The following KSR2 variants were observed in gnomAD, a reference collection of about 807,000 sequenced individuals.
KSR2 encodes the protein kinase suppressor of ras 2.
A neutral mutation model predicts 107.8 loss-of-function variants in KSR2; 25 were observed. The ratio of observed to expected loss-of-function variants is 0.23; its 90% CI spans 0.17 to 0.32. KSR2 has a LOEUF of 0.32. Ranked by LOEUF, KSR2 falls within the 10% of genes least tolerant of loss-of-function variation. The pLI, the probability that KSR2 is intolerant of heterozygous loss-of-function variation, is 1.00. For missense variants in KSR2, 887 were observed against 1,268.9 expected (o/e 0.70, Z 4.57); for synonymous variants, 480 against 507.0 (o/e 0.95, Z 0.71).
chr12:117,660,377 C>G (rs1884381914), intron 5 of KSR2, among the ~76,000 whole-genome samples: 1 of 152,194 alleles, frequency 6.6e-6, no homozygotes, highest in Non-Finnish European at 1.5e-5. Flanking sequence ...AGAGCATGTC[C>G]TCATGAGTCT....
chr12:117,696,821 T>C lies in KSR2; in HGVS notation c.987-29163A>G, dbSNP rs574251910. Among the ~76,000 whole-genome samples, 3 of 152,302 alleles carry C rather than the reference T, an allele frequency of 2.0e-5. No homozygotes were observed. The South Asian group carries it at 6.2e-4, about 32-fold the overall frequency. The stretch of plus-strand genomic sequence containing the variant: ...AGAAACTGTTTCTAGGAAGTCACCT[T>C]GGAGAGCCTCAGCCTCTGCACCTAT... On this transcript the variant is annotated intron_variant, in intron 4 of 19. Coordinates refer to ENST00000339824, the MANE Select transcript of KSR2 (RefSeq NM_173598.6).
intron 4 of KSR2, among the ~76,000 whole-genome samples, chr12:117,731,424 A>G (rs1040217094): frequency 8.1e-6 from 1 of 124,216 alleles, no homozygotes; most frequent in Non-Finnish European, 1.7e-5. Context: ...GGTGGGGGGC[A>G]GCCCCCGCCC....
intron 5 of KSR2, among the ~76,000 whole-genome samples, chr12:117,611,819 T>C (rs1189882329): frequency 6.6e-6 from 1 of 152,184 alleles, no homozygotes; most frequent in African/African-American, 2.4e-5. Context: ...TGCTACAACA[T>C]GGATGAGACT....
Position 117,686,215 on chromosome 12 carries a change from A to ATTTTTTTTTTTTTTTT in KSR2, c.987-18573_987-18558dup, listed in dbSNP as rs55772468. Among the ~76,000 whole-genome samples, 8 of 78,038 alleles carry ATTTTTTTTTTTTTTTT rather than the reference A, an allele frequency of 1.0e-4. 2 individuals carry two copies. Among genetic ancestry groups the ATTTTTTTTTTTTTTTT allele is most frequent in the African/African-American group, 4.1e-4 (6 of 14,702 alleles). The allele number at this position is 78,038 out of a possible 152,430, so 51.2% of individuals were successfully genotyped here. A position where few individuals can be genotyped will look rare whatever the true frequency, so the allele number is the denominator to read the frequency against. ...AGGCACACACCACCACACCCAGCTAATTTTTTTTTTTTTTTTTTTTTTTTT... is the reference window on the plus strand; with the variant it reads ...AGGCACACACCACCACACCCAGCTAATTTTTTTTTTTTTTTTTTTTTTTTTTTTTTTTTTTTTTTTT... On this transcript the variant is annotated intron_variant, in intron 4 of 19. Transcript: ENST00000339824.
rs1002661137 is a variant in KSR2, at chr12:117,467,113, T to C, written c.*86A>G. ...TTGGTACCCTCTGATGCTGAGTCTC[T>C]GGCCTCCTGAGCTGGCAGAGGACAG... is the stretch of plus-strand genomic sequence containing the variant. On this transcript the variant is annotated 3_prime_UTR_variant, in exon 20 of 20. Transcript: ENST00000339824. 6.4e-5 allele frequency: 37 copies of C among 579,488 alleles called. No homozygotes were observed. The Admixed American group carries it at 8.4e-4, about 13-fold the overall frequency. 35.9% of individuals were successfully genotyped at this position (579,488 alleles called of 1,614,324 possible). A position where few individuals can be genotyped will look rare whatever the true frequency, so the allele number is the denominator to read the frequency against.
At chr12:117,731,501 G>C (rs567265386) in intron 4 of KSR2, among the ~76,000 whole-genome samples, 30 of 150,148 alleles carry the variant, frequency 2.0e-4, no homozygotes, top group African/African-American at 2.9e-4. Context: ...AAGTGAGGAG[G>C]CCCTCTGTCC....
intron 11 of KSR2, 100 bp downstream of exon 11, chr12:117,531,566 T>C (rs759578496): frequency 9.7e-5 from 97 of 1,002,366 alleles, no homozygotes; most frequent in Non-Finnish European, 1.4e-4. Flanking sequence ...TCTTTGATCT[T>C]AGGCACCCCC....
chr12:117,965,749 T>C (rs901109786), intron 1 of KSR2, among the ~76,000 whole-genome samples: 1 of 152,238 alleles, frequency 6.6e-6, no homozygotes, highest in Non-Finnish European at 1.5e-5. Context: ...AAACGCAGAT[T>C]CCTTGACCCT....
At chr12:117,829,435 T>C (rs1218449010) in intron 3 of KSR2, among the ~76,000 whole-genome samples, 4 of 152,240 alleles carry the variant, frequency 2.6e-5, no homozygotes, top group Non-Finnish European at 4.4e-5. Flanking sequence ...CTGTATCTTA[T>C]TGCATCATGA....
At chr12:117,670,064 C>T (rs1370329386) in intron 4 of KSR2, among the ~76,000 whole-genome samples, 1 of 151,968 alleles carries the variant, frequency 6.6e-6, no homozygotes, top group East Asian at 1.9e-4. Context: ...TCCAACAGGC[C>T]CTCTCATACT....
chr12:117,843,877 C>T (rs1307149061), intron 3 of KSR2, among the ~76,000 whole-genome samples: 1 of 151,978 alleles, frequency 6.6e-6, no homozygotes, highest in Admixed American at 6.6e-5. Context: ...CCGCAGGCTG[C>T]CTTACCTATG....
In KSR2 at chr12:117,454,445, G is replaced by A. The variant is rs1185428874; in HGVS notation, c.*12754C>T. The A allele has an allele frequency of 3.9e-5, 6 of 152,204 alleles. No individual in the cohort carries two copies. Among genetic ancestry groups the A allele is most frequent in the Non-Finnish European group, 8.8e-5 (6 of 68,042 alleles). 9.4% of individuals were successfully genotyped at this position (152,204 alleles called of 1,614,324 possible). ...TGGGAGTCTGGCGGTCAGCAAAGAT[G>A]CTTTGTTTTCTGTCTTTCAAACCCT... On this transcript the variant is annotated 3_prime_UTR_variant, in exon 20 of 20. Transcript: ENST00000339824.
At chr12:117,732,073 A>C (rs1475576442) in intron 4 of KSR2, among the ~76,000 whole-genome samples, 1 of 151,658 alleles carries the variant, frequency 6.6e-6, no homozygotes, top group Non-Finnish European at 1.5e-5. Flanking sequence ...AGCTGGTGTC[A>C]AGCTCAGATC....
At chr12:117,800,285 A>G (rs1440420043) in intron 3 of KSR2, among the ~76,000 whole-genome samples, 1 of 152,004 alleles carries the variant, frequency 6.6e-6, no homozygotes, top group Non-Finnish European at 1.5e-5. Context: ...TGAGCCCACT[A>G]TACATGTTGG....
At chr12:117,471,362 C>T (rs760153413) in intron 17 of KSR2, 42 bp from the exon 18 acceptor site, 3 of 1,594,992 alleles carry the variant, frequency 1.9e-6, no homozygotes, top group Non-Finnish European at 2.6e-6. Context: ...TGTGGTGTGT[C>T]ACTTGCAACC....
intron 3 of KSR2, among the ~76,000 whole-genome samples, chr12:117,802,946 G>A (rs1174218632): frequency 3.9e-5 from 6 of 152,266 alleles, no homozygotes; most frequent in East Asian, 1.9e-4. Context: ...ACTGTGCCTC[G>A]GTGCCATTTG....
rs774131856 is a variant in KSR2 at position 117,667,496 on chromosome 12, G to A, written c.1149C>T (p.His383=). 1.9e-6 allele frequency: 3 copies of A among 1,611,700 alleles called. No individual in the cohort carries two copies. Among genetic ancestry groups the A allele is most frequent in the Admixed American group, 3.3e-5 (2 of 59,798 alleles). Reference sequence around the variant, plus strand: ...TACTTGCAGAGAAGTTGGCCTCAGTGTGAACAGGAGGGGTGGAAGGCAGGA... The same window carrying A: ...TACTTGCAGAGAAGTTGGCCTCAGTATGAACAGGAGGGGTGGAAGGCAGGA... The part of the protein sequence containing the change: ...APFLPSTPPV[H]TEANFSANTL... Residue 383 remains histidine (H), a synonymous_variant, in exon 5 of 20, where the codon CAC becomes CAT. Transcript: ENST00000339824.
chr12:117,840,091 CTTTAT>C (rs1321729935), intron 3 of KSR2, among the ~76,000 whole-genome samples: 3 of 141,504 alleles, frequency 2.1e-5, no homozygotes, highest in South Asian at 4.3e-4. Flanking sequence ...TTTTATTTTA[CTTTAT>C]TTTATTTTAT....
chr12:117,519,076 A>T (rs1874571232), intron 14 of KSR2, among the ~76,000 whole-genome samples: 1 of 152,230 alleles, frequency 6.6e-6, no homozygotes, highest in African/African-American at 2.4e-5. Context: ...AGTGTCTATC[A>T]TGTGGTCTGG....
Sources: gnomAD v4.1 joint callset for allele counts (sites outside exome capture counted in the v4.1 genomes callset) on GRCh38, gnomAD v4.1.1 for gene constraint, MANE v1.5 for transcripts, NCBI Gene and HGNC (gene_info 2026-07-23, HGNC 2026-07-21) for gene names.